The following TMEM171 variants were observed in gnomAD, a reference collection of about 807,000 sequenced individuals.
The protein encoded by TMEM171 is proline-rich protein PRP2.
Under a neutral mutation model 19.1 loss-of-function variants are expected in TMEM171, and 16 were observed. The observed-to-expected ratio is 0.84, with a 90% confidence interval of 0.57 to 1.27. The LOEUF is 1.27. Ranked by LOEUF, TMEM171 falls within the 50% of genes most tolerant of loss-of-function variation. The pLI is 0.00. For missense variants in TMEM171, 429 were observed against 412.7 expected, an observed-to-expected ratio of 1.04 and a Z score of -0.34; for synonymous variants, 153 against 163.4, an observed-to-expected ratio of 0.94 and a Z score of 0.48.
At chr5:73,128,353 A>G (rs769501139) in intron 2 of TMEM171, 37 bp from the exon 3 acceptor site, 3 of 1,596,728 alleles carry the variant, frequency 1.9e-6, no homozygotes, top group South Asian at 1.1e-5. Context: ...TCCATTTATT[A>G]CCCACCTGTT....
chr5:73,124,082 CT>C, intron 2 of TMEM171, 69 bp downstream of exon 2: 1 of 1,319,494 alleles, frequency 7.6e-7, no homozygotes, highest in Non-Finnish European at 1.0e-6. Flanking sequence ...ACCAGCTGCT[CT>C]TGGTTCTCGT....
chr5:73,123,277 G>A (rs1580233037), intron 1 of TMEM171, 29 bp from the exon 2 acceptor site: 18 of 1,513,836 alleles, frequency 1.2e-5, no homozygotes, highest in South Asian at 2.7e-5. Flanking sequence ...CTGTGCCCAC[G>A]TTAATTTGGT....
chr5:73,128,416 C>A lies in TMEM171; in HGVS notation c.667C>A (p.Pro223Thr). The A allele has an allele frequency of 6.2e-7, 1 of 1,614,102 alleles. No individual in the cohort carries two copies. The highest frequency in any genetic ancestry group is 1.1e-5 in the South Asian group (1 of 91,066). ...TGACTCGGTAATAATATTTCCACCC[C>A]CTCCACCACCTTACTTTCCTGAATC... ...VGDSVIIFPP[P>T]PPPYFPESSA... is the part of the protein sequence containing the mutation. Residue 223 changes from proline to threonine, a missense_variant, in exon 3 of 4, where the codon CCT becomes ACT. Physicochemically the swap from Pro to Thr is conservative, Grantham distance 38. Coordinates refer to ENST00000454765, the MANE Select transcript of TMEM171 (RefSeq NM_173490.8).
At chr5:73,124,074 C>T in intron 2 of TMEM171, 61 bp downstream of exon 2, 1 of 1,390,384 alleles carries the variant, frequency 7.2e-7, no homozygotes, top group Non-Finnish European at 9.7e-7. Flanking sequence ...AGGGTTTCAC[C>T]AGCTGCTCTT....
At position 73,128,498 on chromosome 5, in the gene TMEM171, AC is replaced by A. The variant is rs555350503; in HGVS notation, c.755del (p.Pro252LeufsTer94). ...PGTNSLLPNE[N>X]PPSYYSIFNY... is the part of the protein sequence containing the mutation. ...ACTAACAGTCTGCTTCCGAATGAAA[AC>A]CCCCCTTCATATTACAGTATTTTCA... On this transcript the variant is annotated frameshift_variant, in exon 3 of 4. Transcript: ENST00000454765. LOFTEE classifies it low-confidence loss of function (END_TRUNC). The A allele has an allele frequency of 3.9e-4, 631 of 1,611,380 alleles. 7 individuals carry two copies. In the South Asian group the frequency reaches 4.3e-3, roughly 11 times the overall value.
intron 3 of TMEM171, among the ~76,000 whole-genome samples, chr5:73,129,037 G>A (rs1258564275): frequency 6.6e-6 from 1 of 152,222 alleles, no homozygotes; most frequent in East Asian, 1.9e-4. Flanking sequence ...AGGTTGCAGT[G>A]AGCCTGTTAC....
At chr5:73,124,999 G>A (rs564401279) in intron 2 of TMEM171, among the ~76,000 whole-genome samples, 7 of 152,326 alleles carry the variant, frequency 4.6e-5, no homozygotes, top group South Asian at 2.1e-4. Flanking sequence ...AATGTGACAA[G>A]TGAGATGCAT....
Position 73,120,782 on chromosome 5 carries a change from G to T in TMEM171, c.-69+86G>T, listed in dbSNP as rs540960200. The T allele has an allele frequency of 5.8e-4, 566 of 978,928 alleles. 3 individuals carry two copies. The African/African-American group carries it at 9.2e-3, about 16-fold the overall frequency. 60.6% of individuals were successfully genotyped at this position (978,928 alleles called of 1,614,324 possible). A position where few individuals can be genotyped will look rare whatever the true frequency, so the allele number is the denominator to read the frequency against. On this transcript the variant is annotated intron_variant, in intron 1 of 3. Transcript: ENST00000454765. ...GGCCAGGCTGGGCGCGGGGAGCCGC[G>T]GCAGCGCGGAGGCGCTGGGTATCCG...
chr5:73,123,470 T>C lies in TMEM171; in HGVS notation c.97T>C (p.Leu33=), dbSNP rs561330819. ...CTTCTTTGTCTTCGGCGCCGTCTTG[T>C]TGTGTGTGGGAGTCCTGCTCTCCAT... The part of the protein sequence containing the change: ...FCFFVFGAVL[L]CVGVLLSIFG... Residue 33 remains leucine (L), a synonymous_variant, in exon 2 of 4, where the codon TTG becomes CTG. Coordinates refer to ENST00000454765, the MANE Select transcript of TMEM171 (RefSeq NM_173490.8). 1 of 1,614,064 alleles carries C rather than the reference T, an allele frequency of 6.2e-7. No individual in the cohort carries two copies. Among genetic ancestry groups the C allele is most frequent in the East Asian group, 2.2e-5 (1 of 44,876 alleles).
chr5:73,131,659 C>G lies in TMEM171; in HGVS notation c.904C>G (p.Pro302Ala). The change falls in exon 4 of 4, where the codon CCT becomes GCT. Residue 302 changes from proline (P) to alanine (A), a missense_variant. Transcript: ENST00000454765. Reference protein sequence around the residue: ...HTPHLPSELPPRYEEKENAAA... With the variant: ...HTPHLPSELPARYEEKENAAA... ...TCCACATCTTCCATCTGAATTGCCT[C>G]CTAGATATGAAGAAAAAGAAAATGC... 1 of 1,613,918 alleles carries G rather than the reference C, an allele frequency of 6.2e-7. No homozygotes were observed. Among genetic ancestry groups the G allele is most frequent in the African/African-American group, 1.3e-5 (1 of 75,002 alleles).
chr5:73,125,730 C>T (rs892834774), intron 2 of TMEM171, among the ~76,000 whole-genome samples: 1 of 152,216 alleles, frequency 6.6e-6, no homozygotes, highest in African/African-American at 2.4e-5. Flanking sequence ...CACCTGGTAG[C>T]TGGAATCAGA....
chr5:73,122,972 C>CT (rs1232323315), intron 1 of TMEM171, among the ~76,000 whole-genome samples: 1 of 152,180 alleles, frequency 6.6e-6, no homozygotes. Context: ...TTCACCAGTG[C>CT]TTTTTTCCCC....
chr5:73,120,728 G>A, intron 1 of TMEM171, 32 bp downstream of exon 1: 2 of 983,454 alleles, frequency 2.0e-6, no homozygotes, highest in African/African-American at 1.7e-5. Context: ...GCCTGCGCCG[G>A]CGGCGGCGGG....
chr5:73,120,819 C>A (rs1743988179), intron 1 of TMEM171, 123 bp downstream of exon 1: 1 of 875,222 alleles, frequency 1.1e-6, no homozygotes, highest in Non-Finnish European at 1.4e-6. Flanking sequence ...GCCCAACCTG[C>A]GTCCCTGCGA....
intron 2 of TMEM171, among the ~76,000 whole-genome samples, chr5:73,127,384 A>AAAATATATATATATATATATAT: frequency 5.9e-4 from 48 of 81,658 alleles, no homozygotes; most frequent in Admixed American, 9.1e-4. Context: ...AAAAAAAAAA[A>AAAATATATATATATATATATAT]ATATATATAT....
At chr5:73,122,159 C>A (rs1033014109) in intron 1 of TMEM171, among the ~76,000 whole-genome samples, 1 of 152,198 alleles carries the variant, frequency 6.6e-6, no homozygotes, top group Non-Finnish European at 1.5e-5. Context: ...CCCCCTTCCA[C>A]CCATTTTGTG....
rs572010951 is a variant in TMEM171 at position 73,129,156 on chromosome 5, G to C, written c.782+625G>C. ...CAAAAGCAAAATTTTATTGAAAATG[G>C]AAGTACACTCCACAGGGTGGGAGCA... On this transcript the variant is annotated intron_variant, in intron 3 of 3. Transcript: ENST00000454765. 7.6e-4 allele frequency among the ~76,000 whole-genome samples: 116 copies of C among 152,284 alleles called. 3 individuals carry two copies. The highest frequency in any genetic ancestry group is 3.4e-3 in the Middle Eastern group (1 of 294).
Position 73,123,361 on chromosome 5 carries a change from G to A in TMEM171, c.-13G>A. 2 of 1,596,166 alleles carry A rather than the reference G, an allele frequency of 1.3e-6. No homozygotes were observed. The highest frequency in any genetic ancestry group is 1.1e-5 in the South Asian group (1 of 89,948). ...CATCCCACCCTGCCTCCGGGAAGGGGCCTCTCCTGGACATGTCTCCTGCAG... is the reference window on the plus strand; with the variant it reads ...CATCCCACCCTGCCTCCGGGAAGGGACCTCTCCTGGACATGTCTCCTGCAG... On this transcript the variant is annotated 5_prime_UTR_variant, in exon 2 of 4. Coordinates refer to ENST00000454765, the MANE Select transcript of TMEM171 (RefSeq NM_173490.8).
chr5:73,124,431 G>A (rs1028990645), intron 2 of TMEM171, among the ~76,000 whole-genome samples: 2 of 152,138 alleles, frequency 1.3e-5, no homozygotes, highest in Admixed American at 6.5e-5. Context: ...GGGACACTTG[G>A]TTTCTCCTCC....
Sources: allele counts gnomAD v4.1 joint callset (sites outside exome capture counted in the v4.1 genomes callset), GRCh38; gene constraint gnomAD v4.1.1; transcripts MANE v1.5; gene names NCBI Gene and HGNC (gene_info 2026-07-23, HGNC 2026-07-21).